The following MMP16 variants were observed in gnomAD, a reference collection of about 807,000 sequenced individuals.
The protein encoded by MMP16 is matrix metallopeptidase 16.
MMP16 carries 12 observed loss-of-function variants against 67.8 expected under a neutral mutation model. The ratio of observed to expected loss-of-function variants is 0.18; its 90% CI spans 0.11 to 0.29. MMP16 has a LOEUF of 0.29. MMP16 is among the 10% of genes least tolerant of loss of function. The pLI is 1.00. For synonymous variants in MMP16, 249 were observed against 255.9 expected (o/e 0.97, Z 0.26); for missense variants, 475 against 765.7 (o/e 0.62, Z 4.48).
At chr8:88,262,538 G>A (rs1037243247) in intron 1 of MMP16, among the ~76,000 whole-genome samples, 2 of 152,178 alleles carry the variant, frequency 1.3e-5, no homozygotes, top group East Asian at 1.9e-4. Context: ...TTACTACTGA[G>A]AATCTGCATG....
At chr8:88,184,223 A>C (rs1012792671) in intron 3 of MMP16, among the ~76,000 whole-genome samples, 1 of 152,194 alleles carries the variant, frequency 6.6e-6, no homozygotes, top group Admixed American at 6.5e-5. Context: ...CATGCCTACT[A>C]AATTTCCTAA....
chr8:88,199,550 A>C (rs1334545637), intron 1 of MMP16, among the ~76,000 whole-genome samples: 1 of 151,982 alleles, frequency 6.6e-6, no homozygotes, highest in Admixed American at 6.6e-5. Context: ...ACAAACTTAT[A>C]ATATCTTTTT....
At chr8:88,103,699 T>C (rs1809184385) in intron 6 of MMP16, among the ~76,000 whole-genome samples, 1 of 151,852 alleles carries the variant, frequency 6.6e-6, no homozygotes, top group African/African-American at 2.4e-5. Flanking sequence ...CTTTGCTATA[T>C]GACAGCTCTC....
At chr8:88,265,758 T>G (rs1208939957) in intron 1 of MMP16, among the ~76,000 whole-genome samples, 1 of 152,186 alleles carries the variant, frequency 6.6e-6, no homozygotes, top group Non-Finnish European at 1.5e-5. Context: ...TGGAAAATAA[T>G]GTAACTAGAA....
Position 88,036,006 on chromosome 8 carries a change from T to C in MMP16, c.*5455A>G, listed in dbSNP as rs1359205781. 6.6e-6 allele frequency: 1 copy of C among 151,978 alleles called. No homozygotes were observed. The highest frequency in any genetic ancestry group is 1.5e-5 in the Non-Finnish European group (1 of 67,876). The allele number at this position is 151,978 out of a possible 1,614,324, so 9.4% of individuals were successfully genotyped here. A position where few individuals can be genotyped will look rare whatever the true frequency, so the allele number is the denominator to read the frequency against. ...GACAAAGGTCACAATTAGATGAGACTAGAACATGAAGGCAACTTCTTTGCT... is the reference window on the plus strand; with the variant it reads ...GACAAAGGTCACAATTAGATGAGACCAGAACATGAAGGCAACTTCTTTGCT... On this transcript the variant is annotated 3_prime_UTR_variant, in exon 10 of 10. Coordinates refer to ENST00000286614, the MANE Select transcript of MMP16 (RefSeq NM_005941.5).
At chr8:88,059,287 GA>G (rs1808367579) in intron 7 of MMP16, among the ~76,000 whole-genome samples, 1 of 152,036 alleles carries the variant, frequency 6.6e-6, no homozygotes. Context: ...TCACATAAAG[GA>G]AGAGGGAAGA....
intron 4 of MMP16, among the ~76,000 whole-genome samples, chr8:88,160,941 A>C (rs1405868674): frequency 2.0e-5 from 3 of 152,128 alleles, no homozygotes; most frequent in Non-Finnish European, 4.4e-5. Context: ...CTGCTGGATT[A>C]GGTTTGCCAG....
intron 6 of MMP16, among the ~76,000 whole-genome samples, chr8:88,079,929 A>G (rs1808717759): frequency 6.6e-6 from 1 of 152,190 alleles, no homozygotes; most frequent in Non-Finnish European, 1.5e-5. Context: ...TGTGAAGAGT[A>G]ATTTTCTGCC....
chr8:88,063,156 G>T (rs1009004449), intron 7 of MMP16, among the ~76,000 whole-genome samples: 1 of 152,088 alleles, frequency 6.6e-6, no homozygotes, highest in African/African-American at 2.4e-5. Flanking sequence ...TTTAGAGTTG[G>T]AGAGGACTTT....
intron 1 of MMP16, among the ~76,000 whole-genome samples, chr8:88,280,832 C>T (rs1201043299): frequency 3.9e-5 from 6 of 152,130 alleles, no homozygotes; most frequent in Admixed American, 3.3e-4. Context: ...GTGCAGGGAG[C>T]TATGATTACA....
intron 1 of MMP16, 41 bp downstream of exon 1, chr8:88,327,034 C>T (rs1439804681): frequency 1.2e-6 from 2 of 1,611,650 alleles, no homozygotes; most frequent in Non-Finnish European, 8.5e-7. Context: ...CAGGGAGCAG[C>T]CCAGGCAGCG....
intron 6 of MMP16, among the ~76,000 whole-genome samples, chr8:88,115,219 A>G (rs529708668): frequency 1.3e-5 from 2 of 152,132 alleles, no homozygotes; most frequent in South Asian, 4.1e-4. Context: ...TGTCTTTTAG[A>G]ATAAACAAAA....
intron 1 of MMP16, among the ~76,000 whole-genome samples, chr8:88,280,823 T>G (rs1185572566): frequency 6.6e-6 from 1 of 152,018 alleles, no homozygotes. Context: ...AGTTTCAGAG[T>G]GCAGGGAGCT....
At chr8:88,242,757 T>C (rs534100013) in intron 1 of MMP16, among the ~76,000 whole-genome samples, 17 of 152,222 alleles carry the variant, frequency 1.1e-4, no homozygotes, top group African/African-American at 4.1e-4. Flanking sequence ...ATCATAAAAA[T>C]AAAGGCCTAG....
chr8:88,094,695 G>T (rs1170989256), intron 6 of MMP16, among the ~76,000 whole-genome samples: 3 of 151,696 alleles, frequency 2.0e-5, no homozygotes, highest in Non-Finnish European at 4.4e-5. Context: ...CTCAAAAGAA[G>T]TTATGTCTGT....
At chr8:88,137,050 T>C (rs1347258115) in intron 4 of MMP16, among the ~76,000 whole-genome samples, 3 of 151,942 alleles carry the variant, frequency 2.0e-5, no homozygotes, top group Admixed American at 6.6e-5. Flanking sequence ...AATTGAATAA[T>C]TGTTATCATC....
At position 88,046,532 on chromosome 8, in the gene MMP16, A is replaced by C. The variant is rs558528264; in HGVS notation, c.1489+137T>G. The C allele has an allele frequency of 8.3e-4, 338 of 406,612 alleles. 3 individuals are homozygous for C. The Middle Eastern group carries it at 8.6e-3, about 10-fold the overall frequency. The allele number at this position is 406,612 out of a possible 1,614,324, so 25.2% of individuals were successfully genotyped here. A position where few individuals can be genotyped will look rare whatever the true frequency, so the allele number is the denominator to read the frequency against. On this transcript the variant is annotated intron_variant, in intron 9 of 9. Coordinates refer to ENST00000286614, the MANE Select transcript of MMP16 (RefSeq NM_005941.5). ...TATGATATGTAAATCTAGGAAAAAA[A>C]GTTCATATAAATAGAAATACAGTAT... is the stretch of plus-strand genomic sequence containing the variant.
rs902685947 is a variant in MMP16, at chr8:88,066,546, C to G, written c.1222+8059G>C. On this transcript the variant is annotated intron_variant, in intron 7 of 9. Transcript: ENST00000286614. ...GGAATAAATAGGTCTATTCAGGCAT[C>G]ACAACTGTAAATGGTGCTAACTGAT... Among the ~76,000 whole-genome samples, 4 of 152,078 alleles carry G rather than the reference C, an allele frequency of 2.6e-5. No individual in the cohort carries two copies. In the South Asian group the frequency reaches 8.3e-4, roughly 32 times the overall value.
At chr8:88,242,849 T>A (rs1810054580) in intron 1 of MMP16, among the ~76,000 whole-genome samples, 1 of 152,176 alleles carries the variant, frequency 6.6e-6, no homozygotes, top group Non-Finnish European at 1.5e-5. Flanking sequence ...CAGGTGTTAA[T>A]CCTCACATCC....
Sources: gnomAD v4.1 joint callset for allele counts (sites outside exome capture counted in the v4.1 genomes callset) on GRCh38, gnomAD v4.1.1 for gene constraint, MANE v1.5 for transcripts, NCBI Gene and HGNC (gene_info 2026-07-23, HGNC 2026-07-21) for gene names.